Variants in SLC28A3 observed in about 807,000 individuals in gnomAD.
SLC28A3 encodes the protein solute carrier family 28 member 3.
A neutral mutation model predicts 84.2 loss-of-function variants in SLC28A3; 68 were observed. That is an observed-to-expected ratio of 0.81 (90% CI 0.66 to 0.99). The LOEUF (loss-of-function observed/expected upper bound fraction) is 0.99, where lower values mean the gene tolerates loss of function less well. Among genes scored for constraint, SLC28A3 ranks in the 50% least tolerant of loss-of-function variants. SLC28A3 has a pLI of 0.00. For missense variants in SLC28A3, 712 were observed against 841.5 expected, an observed-to-expected ratio of 0.85 and a Z score of 1.90; for synonymous variants, 267 against 303.6, an observed-to-expected ratio of 0.88 and a Z score of 1.25.
Position 84,329,903 on chromosome 9 carries a change from C to T in SLC28A3, c.60+10671G>A, listed in dbSNP as rs182651868. ...AATAAATAACAAAAATGAAAATATA[C>T]GAAAATTTATGAATATCGCTAAAGC... On this transcript the variant is annotated intron_variant, in intron 1 of 17. Coordinates refer to ENST00000376238, the MANE Select transcript of SLC28A3 (RefSeq NM_001199633.2). 2.2e-3 allele frequency among the ~76,000 whole-genome samples: 330 copies of T among 151,540 alleles called. 1 individual carries two copies. Among genetic ancestry groups the T allele is most frequent in the Middle Eastern group, 6.8e-3 (2 of 294 alleles).
the SLC28A3 span, among the ~76,000 whole-genome samples, chr9:84,357,200 A>G: frequency 6.6e-6 from 1 of 152,152 alleles, no homozygotes; most frequent in Non-Finnish European, 1.5e-5. Context: ...TCAAAAATCA[A>G]ACTTGGGTTT....
In SLC28A3 at chr9:84,294,413, A is replaced by C. The variant is rs992375047; in HGVS notation, c.862-138T>G. 5.3e-6 allele frequency: 4 copies of C among 759,546 alleles called. No individual in the cohort carries two copies. In the African/African-American group the frequency reaches 7.0e-5, roughly 13 times the overall value. 47.1% of individuals were successfully genotyped at this position (759,546 alleles called of 1,614,324 possible). On this transcript the variant is annotated intron_variant, in intron 8 of 17. Transcript: ENST00000376238. ...GGGAAACTCCTCTTGAACTTTAATC[A>C]GGCAGCTTCCCTATCTACAGTCTTT...
At chr9:84,330,462 C>G (rs1826737462) in intron 1 of SLC28A3, among the ~76,000 whole-genome samples, 1 of 152,064 alleles carries the variant, frequency 6.6e-6, no homozygotes, top group Non-Finnish European at 1.5e-5. Flanking sequence ...CGTGGGTGAT[C>G]CAATAGAATA....
chr9:84,325,195 TTTTA>T (rs1196934024), intron 1 of SLC28A3, among the ~76,000 whole-genome samples: 2 of 152,152 alleles, frequency 1.3e-5, no homozygotes, highest in African/African-American at 4.8e-5. Flanking sequence ...CTCTCCTACC[TTTTA>T]TTTATTTTTT....
intron 1 of SLC28A3, among the ~76,000 whole-genome samples, chr9:84,316,774 G>A (rs147479486): frequency 4.6e-5 from 7 of 152,206 alleles, no homozygotes; most frequent in East Asian, 3.9e-4. Flanking sequence ...AGGCCAAGGC[G>A]GGCGGATGAT....
At chr9:84,317,712 G>T (rs1035509904) in intron 1 of SLC28A3, among the ~76,000 whole-genome samples, 2 of 152,290 alleles carry the variant, frequency 1.3e-5, no homozygotes, top group Admixed American at 6.5e-5. Flanking sequence ...CAGTGGTCTT[G>T]CTTCTTGTGG....
intron 14 of SLC28A3, among the ~76,000 whole-genome samples, chr9:84,283,294 T>A (rs1372365683): frequency 6.6e-6 from 1 of 152,254 alleles, no homozygotes; most frequent in Non-Finnish European, 1.5e-5. Context: ...CTCACAGCTC[T>A]CCTTGTGTCT....
chr9:84,340,710 A>G lies in SLC28A3; in HGVS notation c.-77T>C. 2 of 1,555,528 alleles carry G rather than the reference A, an allele frequency of 1.3e-6. No homozygotes were observed. Among genetic ancestry groups the G allele is most frequent in the Non-Finnish European group, 8.8e-7 (1 of 1,132,210 alleles). On this transcript the variant is annotated 5_prime_UTR_variant, in exon 1 of 18. Coordinates refer to ENST00000376238, the MANE Select transcript of SLC28A3 (RefSeq NM_001199633.2). ...AAAAGCACCAGTCTCTGCTGATGTC[A>G]GAAAGCCACCTGCTGTTACAGGGAC...
chr9:84,286,001 A>T lies in SLC28A3; in HGVS notation c.1391T>A (p.Met464Lys), dbSNP rs1271853732. 2 of 1,614,140 alleles carry T rather than the reference A, an allele frequency of 1.2e-6. No individual in the cohort carries two copies. The highest frequency in any genetic ancestry group is 1.7e-6 in the Non-Finnish European group (2 of 1,180,002). Residue 464 changes from methionine (M) to lysine (K), a missense_variant, in exon 13 of 18, where the codon ATG (methionine) becomes AAG (lysine). Coordinates refer to ENST00000376238, the MANE Select transcript of SLC28A3 (RefSeq NM_001199633.2). ...TCCAAACCAGGACAGGGCTGAATTC[A>T]TAAAAGACAGCAGGGCCAGGAAGGC... is the stretch of plus-strand genomic sequence containing the variant. Reference protein sequence around the residue: ...LIAFLALLSFMNSALSWFGNM... With the variant: ...LIAFLALLSFKNSALSWFGNM...
chr9:84,285,448 G>A lies in SLC28A3; in HGVS notation c.1544C>T (p.Thr515Ile). 6.2e-7 allele frequency: 1 copy of A among 1,614,110 alleles called. No homozygotes were observed. Among genetic ancestry groups the A allele is most frequent in the Non-Finnish European group, 8.5e-7 (1 of 1,180,028 alleles). ...ATAAGCCACAAATTCATTGAAGAAG[G>A]TCTTATAACCTATGAGTCTGGCAAC... ...FMVARLIGYKTFFNEFVAYEH... is the reference protein window; with the variant it reads ...FMVARLIGYKIFFNEFVAYEH... Residue 515 changes from threonine (T) to isoleucine (I), a missense_variant, in exon 14 of 18, where the codon ACC (threonine) becomes ATC (isoleucine). Coordinates refer to ENST00000376238, the MANE Select transcript of SLC28A3 (RefSeq NM_001199633.2).
intron 1 of SLC28A3, among the ~76,000 whole-genome samples, chr9:84,337,792 A>T (rs77488521): frequency 0.04 from 6,096 of 152,204 alleles, 209 homozygotes; most frequent in East Asian, 0.093. Context: ...AAATGAGATT[A>T]GAAAAAAAAA....
Position 84,335,748 on chromosome 9 carries a change from A to C in SLC28A3, c.60+4826T>G, listed in dbSNP as rs918388074. Among the ~76,000 whole-genome samples the C allele has an allele frequency of 9.6e-4, 137 of 143,044 alleles. 1 individual carries two copies. Among genetic ancestry groups the C allele is most frequent in the Non-Finnish European group, 3.9e-4 (25 of 64,002 alleles). 93.8% of individuals were successfully genotyped at this position (143,044 alleles called of 152,430 possible). Reference sequence around the variant, plus strand: ...GTGTGTGTGTGTGTGTGTGTGTATAAAATGTCCATTATACATATATAATAT... The same window carrying C: ...GTGTGTGTGTGTGTGTGTGTGTATACAATGTCCATTATACATATATAATAT... On this transcript the variant is annotated intron_variant, in intron 1 of 17. Coordinates refer to ENST00000376238, the MANE Select transcript of SLC28A3 (RefSeq NM_001199633.2).
intron 1 of SLC28A3, among the ~76,000 whole-genome samples, chr9:84,318,530 A>G (rs1384803679): frequency 6.6e-6 from 1 of 152,226 alleles, no homozygotes; most frequent in Admixed American, 6.5e-5. Context: ...AGGAAGGTTT[A>G]TAATAAGAGT....
intron 11 of SLC28A3, among the ~76,000 whole-genome samples, chr9:84,289,219 C>T (rs1016452764): frequency 6.6e-6 from 1 of 152,218 alleles, no homozygotes; most frequent in Non-Finnish European, 1.5e-5. Context: ...AGCTGCTCCA[C>T]AGGTGTCCTT....
At chr9:84,333,492 CT>C (rs1183150464) in intron 1 of SLC28A3, among the ~76,000 whole-genome samples, 1 of 152,046 alleles carries the variant, frequency 6.6e-6, no homozygotes, top group African/African-American at 2.4e-5. Flanking sequence ...CTAAGGAACT[CT>C]TTCAAATAAA....
chr9:84,278,160 TCCAA>T lies in SLC28A3; in HGVS notation c.*54_*57del. The T allele has an allele frequency of 2.6e-6, 4 of 1,561,132 alleles. No homozygotes were observed. Among genetic ancestry groups the T allele is most frequent in the Middle Eastern group, 1.7e-4 (1 of 5,806 alleles). ...GACAATAGCTTCTTTTTTTTTTCTT[TCCAA>T]AGCAGAAAATTCAGCATCTGTACTT... is the stretch of plus-strand genomic sequence containing the variant. On this transcript the variant is annotated 3_prime_UTR_variant, in exon 18 of 18. Transcript: ENST00000376238.
chr9:84,333,761 G>T lies in SLC28A3; in HGVS notation c.60+6813C>A, dbSNP rs116933002. The stretch of plus-strand genomic sequence containing the variant: ...ACTATCAGCAAAGTTGAAAGTATAT[G>T]TTTATTCCAGTGGCCTAGCAATTCC... On this transcript the variant is annotated intron_variant, in intron 1 of 17. Coordinates refer to ENST00000376238, the MANE Select transcript of SLC28A3 (RefSeq NM_001199633.2). Among the ~76,000 whole-genome samples the T allele has an allele frequency of 1.9e-3, 292 of 152,296 alleles. 7 individuals are homozygous for T. The East Asian group carries it at 0.046, about 24-fold the overall frequency.
chr9:84,284,665 A>G (rs1824905797), intron 14 of SLC28A3, among the ~76,000 whole-genome samples: 1 of 152,216 alleles, frequency 6.6e-6, no homozygotes, highest in Non-Finnish European at 1.5e-5. Flanking sequence ...AAACTCAACT[A>G]CAAACATGAC....
intron 1 of SLC28A3, among the ~76,000 whole-genome samples, chr9:84,336,434 G>A (rs975780883): frequency 1.3e-5 from 2 of 152,212 alleles, no homozygotes; most frequent in Admixed American, 6.5e-5. Context: ...AACCCAGGAG[G>A]TGGAGGTTGC....
Sources: gnomAD v4.1 joint callset for allele counts (sites outside exome capture counted in the v4.1 genomes callset) on GRCh38, gnomAD v4.1.1 for gene constraint, MANE v1.5 for transcripts, NCBI Gene and HGNC (gene_info 2026-07-23, HGNC 2026-07-21) for gene names.